EPB41L5: variants seen among roughly 807,000 people sequenced by gnomAD.
EPB41L5 encodes the protein band 4.1-like protein 5.
EPB41L5 carries 55 observed loss-of-function variants against 106.6 expected under a neutral mutation model. The observed-to-expected ratio is 0.52, with a 90% CI of 0.42 to 0.65. The LOEUF is 0.65. EPB41L5 is among the 30% of genes least tolerant of loss of function. EPB41L5 has a pLI of 0.00. For missense variants in EPB41L5, 871 were observed against 882.1 expected, an observed-to-expected ratio of 0.99 and a Z score of 0.16; for synonymous variants, 297 against 306.7, an observed-to-expected ratio of 0.97 and a Z score of 0.33.
intron 24 of EPB41L5, among the ~76,000 whole-genome samples, chr2:120,171,600 T>A (rs934351380): frequency 6.6e-6 from 1 of 152,206 alleles, no homozygotes; most frequent in African/African-American, 2.4e-5. Context: ...TGCTGTTAGC[T>A]AAGTATAAAT....
At chr2:120,064,959 ATC>A (rs1372367216) in intron 3 of EPB41L5, among the ~76,000 whole-genome samples, 1 of 152,152 alleles carries the variant, frequency 6.6e-6, no homozygotes, top group East Asian at 1.9e-4. Context: ...CAGCTCCTAA[ATC>A]TCACTTTAAC....
chr2:120,023,965 T>C (rs1678121795), intron 2 of EPB41L5, among the ~76,000 whole-genome samples: 1 of 152,232 alleles, frequency 6.6e-6, no homozygotes, highest in African/African-American at 2.4e-5. Flanking sequence ...AGTTCACTCA[T>C]GATTTGGCTG....
intron 16 of EPB41L5, chr2:120,105,277 T>A (rs1684383218): frequency 1.0e-6 from 1 of 972,066 alleles, no homozygotes. Context: ...AGTTTTCTTT[T>A]ATATTTTAGA....
chr2:120,039,828 GAAAAAAA>G (rs564488728), intron 2 of EPB41L5, among the ~76,000 whole-genome samples: 11 of 86,440 alleles, frequency 1.3e-4, no homozygotes, highest in Non-Finnish European at 1.9e-4. Context: ...TCTGTCTCAG[GAAAAAAA>G]AAAAAAAAAA....
At chr2:120,162,126 A>G (rs1454800515) in intron 21 of EPB41L5, among the ~76,000 whole-genome samples, 2 of 152,200 alleles carry the variant, frequency 1.3e-5, no homozygotes, top group African/African-American at 2.4e-5. Flanking sequence ...AGTGTCTCCA[A>G]TAGTACCTGG....
chr2:120,033,384 A>G (rs2105178750), intron 2 of EPB41L5, among the ~76,000 whole-genome samples: 1 of 152,166 alleles, frequency 6.6e-6, no homozygotes, highest in East Asian at 1.9e-4. Context: ...CTTTTTTGGG[A>G]TATCAGAATT....
At chr2:120,013,978 T>C (rs1022820443) in intron 1 of EPB41L5, among the ~76,000 whole-genome samples, 9 of 152,218 alleles carry the variant, frequency 5.9e-5, no homozygotes, top group African/African-American at 1.7e-4. Flanking sequence ...GTTAACCTTG[T>C]TGGATTATTT....
chr2:120,052,866 T>C (rs1680381217), intron 3 of EPB41L5, among the ~76,000 whole-genome samples: 1 of 152,228 alleles, frequency 6.6e-6, no homozygotes, highest in South Asian at 2.1e-4. Flanking sequence ...CACCCATAAA[T>C]AATTGAAATT....
At chr2:120,102,659 T>C (rs996512781) in intron 16 of EPB41L5, among the ~76,000 whole-genome samples, 5 of 152,208 alleles carry the variant, frequency 3.3e-5, no homozygotes, top group African/African-American at 1.2e-4. Flanking sequence ...GACCATTCTA[T>C]TGCTTGCAGG....
intron 3 of EPB41L5, among the ~76,000 whole-genome samples, chr2:120,065,999 C>G (rs1681420747): frequency 6.6e-6 from 1 of 151,978 alleles, no homozygotes; most frequent in African/African-American, 2.4e-5. Flanking sequence ...TTCTTCTTCC[C>G]TGTTTGAGGA....
At chr2:120,146,928 C>G (rs1373952373) in intron 20 of EPB41L5, among the ~76,000 whole-genome samples, 3 of 152,178 alleles carry the variant, frequency 2.0e-5, no homozygotes, top group African/African-American at 4.8e-5. Flanking sequence ...GTTCCAGATA[C>G]CGCAGTCAAC....
intron 3 of EPB41L5, among the ~76,000 whole-genome samples, chr2:120,048,310 G>A (rs781137294): frequency 6.6e-6 from 1 of 152,042 alleles, no homozygotes; most frequent in Non-Finnish European, 1.5e-5. Context: ...TTGGTTGGTA[G>A]TCCATTAGTT....
intron 18 of EPB41L5, among the ~76,000 whole-genome samples, chr2:120,141,637 G>T (rs761368877): frequency 2.4e-4 from 36 of 152,226 alleles, no homozygotes; most frequent in Non-Finnish European, 4.9e-4. Flanking sequence ...CTCTAAAAAT[G>T]ATATAGAAAA....
Position 120,167,612 on chromosome 2 carries a change from T to C in EPB41L5, c.2004+105T>C, listed in dbSNP as rs1558918379. The C allele has an allele frequency of 6.3e-6, 8 of 1,263,888 alleles. 1 individual carries two copies. The highest frequency in any genetic ancestry group is 2.6e-5 in the South Asian group (2 of 78,368). The allele number at this position is 1,263,888 out of a possible 1,614,324, so 78.3% of individuals were successfully genotyped here. On this transcript the variant is annotated intron_variant, in intron 23 of 24. Coordinates refer to ENST00000263713, the MANE Select transcript of EPB41L5 (RefSeq NM_020909.4). ...TTCCTTAAAAACATGAGGGTTGTTA[T>C]CAAAGCCTTGTTAACTGAACTTAAC...
chr2:120,058,736 T>G (rs1680828764), intron 3 of EPB41L5, among the ~76,000 whole-genome samples: 1 of 152,200 alleles, frequency 6.6e-6, no homozygotes, highest in Non-Finnish European at 1.5e-5. Flanking sequence ...AATCCAGATT[T>G]CAAGGCTAAA....
intron 16 of EPB41L5, among the ~76,000 whole-genome samples, chr2:120,123,040 A>G (rs1685297946): frequency 6.6e-6 from 1 of 152,196 alleles, no homozygotes; most frequent in South Asian, 2.1e-4. Flanking sequence ...GAAGTTGCTT[A>G]TCAGCTTAGG....
chr2:120,067,436 T>A (rs1333055689), intron 3 of EPB41L5, among the ~76,000 whole-genome samples: 1 of 152,210 alleles, frequency 6.6e-6, no homozygotes, highest in East Asian at 1.9e-4. Flanking sequence ...ATTGAAAGCA[T>A]GTCAGAGAGA....
At chr2:120,133,483 A>T (rs1371175053) in intron 18 of EPB41L5, among the ~76,000 whole-genome samples, 1 of 152,062 alleles carries the variant, frequency 6.6e-6, no homozygotes, top group East Asian at 1.9e-4. Flanking sequence ...ATTGGAACTC[A>T]GTGTTTGTTG....
intron 22 of EPB41L5, among the ~76,000 whole-genome samples, chr2:120,165,980 A>G (rs1297809788): frequency 6.7e-6 from 1 of 149,754 alleles, no homozygotes; most frequent in Non-Finnish European, 1.5e-5. Context: ...AAAAAAAAAA[A>G]AAAAAAAAAA....
Sources: gnomAD v4.1 joint callset for allele counts (sites outside exome capture counted in the v4.1 genomes callset) on GRCh38, gnomAD v4.1.1 for gene constraint, MANE v1.5 for transcripts, NCBI Gene and HGNC (gene_info 2026-07-23, HGNC 2026-07-21) for gene names.